The following COMMD10 variants were observed in gnomAD, a reference collection of about 807,000 sequenced individuals.
COMMD10 encodes COMM domain containing 10.
Under a neutral mutation model 28.9 loss-of-function variants are expected in COMMD10, and 33 were observed. That is an observed-to-expected ratio of 1.14 (90% CI 0.87 to 1.53). COMMD10 has a LOEUF of 1.53. Ranked by LOEUF, COMMD10 falls within the 40% of genes most tolerant of loss-of-function variation. The pLI, the probability that COMMD10 is intolerant of heterozygous loss-of-function variation, is 0.00. For missense variants in COMMD10, 310 were observed against 233.4 expected (o/e 1.33, Z -2.14); for synonymous variants, 110 against 81.7 (o/e 1.35, Z -1.87).
chr5:116,156,905 A>T (rs1477362612), intron 5 of COMMD10, among the ~76,000 whole-genome samples: 2 of 151,968 alleles, frequency 1.3e-5, no homozygotes, highest in African/African-American at 4.8e-5. Context: ...TCTCCTTGTA[A>T]CTGATCAGTT....
At chr5:116,270,772 A>G (rs1280091481) in intron 5 of COMMD10, among the ~76,000 whole-genome samples, 3 of 151,634 alleles carry the variant, frequency 2.0e-5, no homozygotes, top group East Asian at 3.9e-4. Flanking sequence ...CCCCATCTCT[A>G]CTGAATACAG....
chr5:116,103,543 G>A (rs1750734483), intron 4 of COMMD10, among the ~76,000 whole-genome samples: 2 of 152,024 alleles, frequency 1.3e-5, no homozygotes, highest in Admixed American at 6.6e-5. Flanking sequence ...TAAGTTCCTT[G>A]TAGATTCTGG....
rs555275564 is a variant in COMMD10, at chr5:116,246,187, A to G, written c.511-45330A>G. Among the ~76,000 whole-genome samples the G allele has an allele frequency of 2.6e-5, 4 of 152,260 alleles. No homozygotes were observed. In the South Asian group the frequency reaches 6.2e-4, roughly 24 times the overall value. On this transcript the variant is annotated intron_variant, in intron 5 of 6. Transcript: ENST00000274458. ...AAATCGCTAGGATTCCTATACATCA[A>G]CAGCAGTCAATCCAAGAGCCAAATG... is the stretch of plus-strand genomic sequence containing the variant.
intron 5 of COMMD10, chr5:116,218,369 C>T: frequency 1.7e-6 from 1 of 577,388 alleles, no homozygotes; most frequent in East Asian, 3.7e-5. Flanking sequence ...TTGGTGAGTC[C>T]AGGGGTCGTT....
chr5:116,279,952 C>T (rs370947157), intron 5 of COMMD10, among the ~76,000 whole-genome samples: 2 of 151,796 alleles, frequency 1.3e-5, no homozygotes, highest in African/African-American at 2.4e-5. Context: ...AGTAATTGTG[C>T]AAACTGATTA....
intron 4 of COMMD10, among the ~76,000 whole-genome samples, chr5:116,115,092 A>T (rs553768239): frequency 2.0e-5 from 3 of 152,238 alleles, no homozygotes; most frequent in East Asian, 1.9e-4. Flanking sequence ...GTTAAACCCT[A>T]GGATTGAGAA....
intron 5 of COMMD10, among the ~76,000 whole-genome samples, chr5:116,145,679 T>C (rs1752325637): frequency 6.6e-6 from 1 of 151,884 alleles, no homozygotes; most frequent in South Asian, 2.1e-4. Flanking sequence ...TCCCCACGTG[T>C]CAAGGGAGAG....
chr5:116,130,078 G>T (rs1248106360), intron 4 of COMMD10, among the ~76,000 whole-genome samples: 3 of 151,358 alleles, frequency 2.0e-5, no homozygotes, highest in Non-Finnish European at 3.0e-5. Context: ...AATAGAAAAG[G>T]CTCTGGAAAT....
At chr5:116,177,715 C>A (rs1252325781) in intron 5 of COMMD10, among the ~76,000 whole-genome samples, 1 of 152,078 alleles carries the variant, frequency 6.6e-6, no homozygotes, top group Admixed American at 6.6e-5. Flanking sequence ...CTTACCTTTG[C>A]GTCTGGAAAA....
intron 5 of COMMD10, among the ~76,000 whole-genome samples, chr5:116,286,438 G>T (rs1483127442): frequency 1.4e-5 from 2 of 144,280 alleles, no homozygotes; most frequent in Non-Finnish European, 1.5e-5. Context: ...CTAGTTCCTT[G>T]GATGTAAAGT....
At chr5:116,125,089 T>C (rs1352390496) in intron 4 of COMMD10, among the ~76,000 whole-genome samples, 1 of 152,210 alleles carries the variant, frequency 6.6e-6, no homozygotes, top group Non-Finnish European at 1.5e-5. Flanking sequence ...AATTTGATCC[T>C]GTCGTTATGA....
At chr5:116,090,461 A>C (rs1461089505) in intron 2 of COMMD10, among the ~76,000 whole-genome samples, 1 of 152,240 alleles carries the variant, frequency 6.6e-6, no homozygotes, top group Non-Finnish European at 1.5e-5. Flanking sequence ...TGGCCTTTGC[A>C]CTTCAAAAAT....
intron 5 of COMMD10, among the ~76,000 whole-genome samples, chr5:116,232,936 G>T (rs947299207): frequency 4.6e-5 from 7 of 152,160 alleles, no homozygotes; most frequent in African/African-American, 1.7e-4. Flanking sequence ...AATCCAGGCA[G>T]TCTGATTGTA....
chr5:116,085,172 C>T (rs1486453261), intron 1 of COMMD10, 79 bp downstream of exon 1: 3 of 1,208,802 alleles, frequency 2.5e-6, no homozygotes, highest in East Asian at 9.3e-5. Context: ...GTCCTTGCTG[C>T]CTGCCGCCTG....
chr5:116,184,846 A>C (rs559240501), intron 5 of COMMD10, among the ~76,000 whole-genome samples: 3 of 152,232 alleles, frequency 2.0e-5, no homozygotes, highest in East Asian at 1.9e-4. Context: ...TCTTGGAGGC[A>C]ATGTAATATA....
chr5:116,285,530 A>G (rs1186359103), intron 5 of COMMD10, among the ~76,000 whole-genome samples: 1 of 151,916 alleles, frequency 6.6e-6, no homozygotes, highest in Non-Finnish European at 1.5e-5. Context: ...GGTCTTCTCT[A>G]AGTCATTATG....
intron 4 of COMMD10, among the ~76,000 whole-genome samples, chr5:116,113,075 C>T (rs1751109055): frequency 6.6e-6 from 1 of 152,298 alleles, no homozygotes; most frequent in East Asian, 1.9e-4. Context: ...ATTTATGAAG[C>T]TTAATACTAC....
At chr5:116,261,503 A>G (rs978659387) in intron 5 of COMMD10, among the ~76,000 whole-genome samples, 2 of 151,744 alleles carry the variant, frequency 1.3e-5, no homozygotes, top group African/African-American at 4.9e-5. Context: ...CAAATTGGTC[A>G]GTGCAGCCTG....
intron 5 of COMMD10, among the ~76,000 whole-genome samples, chr5:116,199,214 T>C (rs532775750): frequency 4.6e-5 from 7 of 152,168 alleles, no homozygotes; most frequent in Admixed American, 1.3e-4. Context: ...TGACATACGG[T>C]GTGGAGCATC....
Sources: gnomAD v4.1 joint callset for allele counts (sites outside exome capture counted in the v4.1 genomes callset) on GRCh38, gnomAD v4.1.1 for gene constraint, MANE v1.5 for transcripts, NCBI Gene and HGNC (gene_info 2026-07-23, HGNC 2026-07-21) for gene names.